The following AFF1 variants were observed in gnomAD, a reference collection of about 807,000 sequenced individuals.
The protein encoded by AFF1 is ALF transcription elongation factor 1.
AFF1 carries 48 observed loss-of-function variants against 121.7 expected under a neutral mutation model. That is an observed-to-expected ratio of 0.39 (90% confidence interval 0.31 to 0.50). AFF1 has a LOEUF of 0.50. Ranked by LOEUF, AFF1 falls within the 20% of genes least tolerant of loss-of-function variation. The probability of loss-of-function intolerance (pLI) is 0.76; values close to 1 mark genes in which losing one functional copy is unlikely to be tolerated. For synonymous variants in AFF1, 613 were observed against 563.0 expected (o/e 1.09, Z -1.26); for missense variants, 1,523 against 1,511.7 (o/e 1.01, Z -0.12).
At chr4:86,951,623 C>CTTTTTTTTTTTTTTTTTTTT (rs1285365564) in intron 2 of AFF1, among the ~76,000 whole-genome samples, 1 of 69,412 alleles carries the variant, frequency 1.4e-5, no homozygotes, top group African/African-American at 4.6e-5. Context: ...TTCTTTTTTT[C>CTTTTTTTTTTTTTTTTTTTT]TTTTTTTTTT....
intron 2 of AFF1, among the ~76,000 whole-genome samples, chr4:86,983,767 G>A (rs1361496071): frequency 1.3e-5 from 2 of 150,712 alleles, no homozygotes; most frequent in Non-Finnish European, 2.9e-5. Context: ...GCCAGGCGCA[G>A]TGGCTCACGC....
Position 86,972,592 on chromosome 4 carries a change from C to CT in AFF1, c.38+24022dup, listed in dbSNP as rs1366679332. 2.0e-5 allele frequency among the ~76,000 whole-genome samples: 3 copies of CT among 152,106 alleles called. No homozygotes were observed. The East Asian group carries it at 5.8e-4, about 29-fold the overall frequency. On this transcript the variant is annotated intron_variant, in intron 2 of 20. Transcript: ENST00000395146. ...TCACTGTATTGCCCAGGCTGGAGTG[C>CT]TATGGTGTGATCTCAGGTCACTGTA...
At chr4:87,034,129 T>C (rs1019414485) in intron 2 of AFF1, among the ~76,000 whole-genome samples, 2 of 152,188 alleles carry the variant, frequency 1.3e-5, no homozygotes, top group African/African-American at 4.8e-5. Flanking sequence ...CCGATAGTTA[T>C]AACCTGAGAT....
intron 2 of AFF1, chr4:86,973,750 C>T (rs1270373251): frequency 1.3e-5 from 2 of 151,814 alleles, no homozygotes; most frequent in Non-Finnish European, 2.9e-5. Context: ...TTTCTCTTTT[C>T]CTTTCTTTTT....
At chr4:87,105,968 TAA>T in intron 10 of AFF1, 123 bp downstream of exon 10, 1 of 1,247,694 alleles carries the variant, frequency 8.0e-7, no homozygotes, top group South Asian at 1.3e-5. Context: ...AGGATCACAG[TAA>T]AAGGAAAGTA....
At chr4:86,971,679 CTATCTT>C (rs1162383776) in intron 2 of AFF1, among the ~76,000 whole-genome samples, 13 of 152,300 alleles carry the variant, frequency 8.5e-5, no homozygotes, top group South Asian at 2.1e-4. Context: ...TAGCAATACT[CTATCTT>C]TAAGGAGCTT....
chr4:87,110,303 A>G (rs541159328), intron 11 of AFF1, among the ~76,000 whole-genome samples: 5 of 152,104 alleles, frequency 3.3e-5, no homozygotes, highest in East Asian at 1.9e-4. Context: ...TAAGTGGGGT[A>G]CCCATCACCT....
intron 2 of AFF1, among the ~76,000 whole-genome samples, chr4:86,982,562 T>C (rs1723842749): frequency 1.3e-5 from 2 of 151,328 alleles, no homozygotes; most frequent in Non-Finnish European, 2.9e-5. Context: ...TTAGTGCCCT[T>C]ATAAAAGAAC....
chr4:86,964,030 C>A (rs1229393640), intron 2 of AFF1, among the ~76,000 whole-genome samples: 1 of 142,748 alleles, frequency 7.0e-6, no homozygotes, highest in African/African-American at 2.6e-5. Flanking sequence ...GTTGCCCAAG[C>A]TAGTTCTGAA....
intron 12 of AFF1, among the ~76,000 whole-genome samples, chr4:87,121,803 T>G (rs1727720345): frequency 6.6e-6 from 1 of 152,228 alleles, no homozygotes; most frequent in Non-Finnish European, 1.5e-5. Context: ...CACTGCATTC[T>G]CTCTTGTTGG....
chr4:87,055,185 C>T (rs1719984391), intron 4 of AFF1, among the ~76,000 whole-genome samples: 1 of 152,078 alleles, frequency 6.6e-6, no homozygotes, highest in East Asian at 1.9e-4. Context: ...GGGGTGTTGC[C>T]CAGGCTGAAC....
chr4:87,034,028 A>AGG (rs1729319154), intron 2 of AFF1, among the ~76,000 whole-genome samples: 1 of 152,198 alleles, frequency 6.6e-6, no homozygotes, highest in Non-Finnish European at 1.5e-5. Context: ...TGATGACGGA[A>AGG]CAGATGAGTG....
At chr4:86,946,164 G>T (rs1018911385) in intron 1 of AFF1, among the ~76,000 whole-genome samples, 1 of 151,976 alleles carries the variant, frequency 6.6e-6, no homozygotes, top group African/African-American at 2.4e-5. Flanking sequence ...GATCTCTATG[G>T]CTTGCTCCTC....
intron 2 of AFF1, among the ~76,000 whole-genome samples, chr4:86,981,474 TCTC>T (rs1229508977): frequency 2.0e-5 from 3 of 151,954 alleles, no homozygotes; most frequent in Non-Finnish European, 4.4e-5. Context: ...TTCAAGCAAT[TCTC>T]CTGCCTCAGC....
chr4:87,023,450 C>T (rs1055642362), intron 2 of AFF1, among the ~76,000 whole-genome samples: 8 of 152,262 alleles, frequency 5.3e-5, no homozygotes, highest in African/African-American at 1.9e-4. Context: ...AACTGAAGGA[C>T]AGAACCACTT....
rs535765197 is a variant in AFF1 at position 86,974,146 on chromosome 4, A to C, written c.38+25575A>C. On this transcript the variant is annotated intron_variant, in intron 2 of 20. Coordinates refer to ENST00000395146, the MANE Select transcript of AFF1 (RefSeq NM_001166693.3). ...GCAGTGCTATGGCAGAATTCAACTT[A>C]TTTATTTATTTATTTTTGAGATGGT... 9.9e-5 allele frequency: 15 copies of C among 152,134 alleles called. No homozygotes were observed. In the East Asian group the frequency reaches 2.9e-3, roughly 29 times the overall value. 9.4% of individuals were successfully genotyped at this position (152,134 alleles called of 1,614,324 possible). A position where few individuals can be genotyped will look rare whatever the true frequency, so the allele number is the denominator to read the frequency against.
At chr4:87,026,079 T>TTTTTTG (rs61608388) in intron 2 of AFF1, among the ~76,000 whole-genome samples, 2 of 150,304 alleles carry the variant, frequency 1.3e-5, no homozygotes, top group African/African-American at 4.9e-5. Context: ...TTTTTTTTTT[T>TTTTTTG]GCGTGGTGGT....
chr4:86,948,422 C>A, intron 1 of AFF1, 76 bp from the exon 2 acceptor site: 1 of 942,408 alleles, frequency 1.1e-6, no homozygotes, highest in Non-Finnish European at 1.6e-6. Flanking sequence ...TCCAATAAAG[C>A]TTCTTACAGG....
At chr4:86,968,307 TTCAA>T (rs763030955) in intron 2 of AFF1, among the ~76,000 whole-genome samples, 26 of 152,194 alleles carry the variant, frequency 1.7e-4, no homozygotes, top group Admixed American at 9.2e-4. Flanking sequence ...ACAGTAGAAA[TTCAA>T]TCAATTAATA....
Sources: allele counts gnomAD v4.1 joint callset (sites outside exome capture counted in the v4.1 genomes callset), GRCh38; gene constraint gnomAD v4.1.1; transcripts MANE v1.5; gene names NCBI Gene and HGNC (gene_info 2026-07-23, HGNC 2026-07-21).